The following SCFD2 variants were observed in gnomAD, a reference collection of about 807,000 sequenced individuals.
The protein encoded by SCFD2 is sec1 family domain containing 2.
Under a neutral mutation model 58.9 loss-of-function variants are expected in SCFD2, and 54 were observed. The observed-to-expected ratio is 0.92, with a 90% CI of 0.74 to 1.15. The LOEUF (loss-of-function observed/expected upper bound fraction) is 1.15, where lower values mean the gene tolerates loss of function less well. Among genes scored for constraint, SCFD2 ranks in the 50% most tolerant of loss-of-function variants. SCFD2 has a pLI of 0.00. For synonymous variants in SCFD2, 321 were observed against 335.9 expected, an observed-to-expected ratio of 0.96 and a Z score of 0.49; for missense variants, 805 against 836.6, an observed-to-expected ratio of 0.96 and a Z score of 0.47.
chr4:53,020,397 T>A (rs1437747283), intron 5 of SCFD2, among the ~76,000 whole-genome samples: 1 of 152,178 alleles, frequency 6.6e-6, no homozygotes, highest in Non-Finnish European at 1.5e-5. Context: ...CAGAACCTTG[T>A]CCAGTTGTTT....
At chr4:53,128,049 T>TAA (rs34739040) in intron 5 of SCFD2, among the ~76,000 whole-genome samples, 14 of 111,378 alleles carry the variant, frequency 1.3e-4, no homozygotes, top group Non-Finnish European at 2.1e-4. Flanking sequence ...GGCCATGTCC[T>TAA]AAAAAAAAAA....
chr4:52,977,136 C>T (rs563990573), intron 5 of SCFD2, among the ~76,000 whole-genome samples: 3 of 152,146 alleles, frequency 2.0e-5, no homozygotes, highest in South Asian at 4.2e-4. Context: ...ATTGCTCCCA[C>T]GGGAGAGTTG....
intron 2 of SCFD2, among the ~76,000 whole-genome samples, chr4:53,327,319 C>G (rs1166251009): frequency 5.3e-5 from 8 of 152,088 alleles, no homozygotes. Context: ...TGGCAGCAGT[C>G]TGACCCAGGG....
chr4:52,931,880 C>T (rs552678686), intron 5 of SCFD2, among the ~76,000 whole-genome samples: 36 of 152,290 alleles, frequency 2.4e-4, no homozygotes, highest in African/African-American at 8.4e-4. Flanking sequence ...TTATCCTCCA[C>T]GCTGTCTCCC....
At chr4:53,079,853 G>A (rs1441395814) in intron 5 of SCFD2, among the ~76,000 whole-genome samples, 1 of 152,158 alleles carries the variant, frequency 6.6e-6, no homozygotes, top group Non-Finnish European at 1.5e-5. Context: ...TAAGACTGCA[G>A]GGGATGTTTG....
intron 4 of SCFD2, among the ~76,000 whole-genome samples, chr4:53,201,939 G>T (rs910509096): frequency 1.3e-5 from 2 of 152,132 alleles, no homozygotes; most frequent in African/African-American, 4.8e-5. Context: ...TTTGTCAGAT[G>T]AGTAGGTTGC....
chr4:53,334,522 A>G (rs1455464239), intron 2 of SCFD2, among the ~76,000 whole-genome samples: 2 of 145,040 alleles, frequency 1.4e-5, no homozygotes, highest in Non-Finnish European at 3.0e-5. Context: ...AACACCGCAT[A>G]TTCTCACTCA....
intron 7 of SCFD2, among the ~76,000 whole-genome samples, chr4:52,895,295 A>T (rs1718978462): frequency 6.6e-6 from 1 of 152,004 alleles, no homozygotes; most frequent in African/African-American, 2.4e-5. Context: ...AGCATTAGGT[A>T]TATCTCCTAA....
At chr4:52,984,299 A>G (rs576200140) in intron 5 of SCFD2, among the ~76,000 whole-genome samples, 1 of 152,326 alleles carries the variant, frequency 6.6e-6, no homozygotes, top group Admixed American at 6.5e-5. Flanking sequence ...CACTGACATA[A>G]CAAAGTGAAG....
intron 5 of SCFD2, among the ~76,000 whole-genome samples, chr4:52,943,958 T>C (rs1283046185): frequency 2.0e-5 from 3 of 152,120 alleles, no homozygotes; most frequent in African/African-American, 7.2e-5. Flanking sequence ...TCACATGAAA[T>C]GAAAGCCTAA....
intron 8 of SCFD2, among the ~76,000 whole-genome samples, chr4:52,884,182 G>A (rs550557026): frequency 6.6e-6 from 1 of 152,256 alleles, no homozygotes. Context: ...ATATGAAGTA[G>A]TCAGGGAGAA....
intron 5 of SCFD2, among the ~76,000 whole-genome samples, chr4:52,970,881 T>G (rs1198324375): frequency 6.6e-6 from 1 of 152,156 alleles, no homozygotes; most frequent in Non-Finnish European, 1.5e-5. Flanking sequence ...TTGTGCAGCC[T>G]CTGCTGCTGA....
At chr4:53,112,196 G>T (rs946557026) in intron 5 of SCFD2, among the ~76,000 whole-genome samples, 1 of 152,090 alleles carries the variant, frequency 6.6e-6, no homozygotes, top group East Asian at 1.9e-4. Context: ...CTCAAATGAA[G>T]CTTGACCAAA....
At chr4:53,081,730 T>C (rs746600624) in intron 5 of SCFD2, among the ~76,000 whole-genome samples, 2 of 152,134 alleles carry the variant, frequency 1.3e-5, no homozygotes, top group African/African-American at 2.4e-5. Context: ...GTGGATTATA[T>C]TATATTGACA....
At chr4:53,087,657 CTTTTTTTTTT>C (rs34727687) in intron 5 of SCFD2, among the ~76,000 whole-genome samples, 2 of 115,218 alleles carry the variant, frequency 1.7e-5, no homozygotes, top group Non-Finnish European at 3.6e-5. Context: ...TTTCTTTTTC[CTTTTTTTTTT>C]TTTTTTTTTT....
At chr4:53,174,123 A>G (rs1446127320) in intron 4 of SCFD2, among the ~76,000 whole-genome samples, 1 of 152,118 alleles carries the variant, frequency 6.6e-6, no homozygotes, top group Non-Finnish European at 1.5e-5. Flanking sequence ...AAATAGTAAA[A>G]TGAGGATAAA....
At chr4:53,179,899 A>T (rs946711281) in intron 4 of SCFD2, among the ~76,000 whole-genome samples, 8 of 152,236 alleles carry the variant, frequency 5.3e-5, no homozygotes, top group African/African-American at 1.7e-4. Context: ...CAAAAGAGAC[A>T]AAGAAGGCCA....
chr4:53,033,037 A>C (rs1722659389), intron 5 of SCFD2, among the ~76,000 whole-genome samples: 1 of 152,200 alleles, frequency 6.6e-6, no homozygotes, highest in African/African-American at 2.4e-5. Context: ...ACCTCATTGC[A>C]CATATTCTAA....
intron 5 of SCFD2, among the ~76,000 whole-genome samples, chr4:52,994,353 C>T (rs891531471): frequency 1.3e-5 from 2 of 152,148 alleles, no homozygotes; most frequent in Admixed American, 1.3e-4. Flanking sequence ...GGAAAGAGCA[C>T]GGGACTTGGT....
Sources: allele counts gnomAD v4.1 joint callset (sites outside exome capture counted in the v4.1 genomes callset), GRCh38; gene constraint gnomAD v4.1.1; transcripts MANE v1.5; gene names NCBI Gene and HGNC (gene_info 2026-07-23, HGNC 2026-07-21).